The following QTRT2 variants were observed in gnomAD, a reference collection of about 807,000 sequenced individuals.
The protein encoded by QTRT2 is queuine tRNA-ribosyltransferase accessory subunit 2, also known as queuine tRNA-ribosyltransferase domain containing 1.
A neutral mutation model predicts 44.8 loss-of-function variants in QTRT2; 32 were observed. The ratio of observed to expected loss-of-function variants is 0.71; its 90% CI spans 0.54 to 0.96. QTRT2 has a LOEUF of 0.96. Ranked by LOEUF, QTRT2 falls within the 40% of genes least tolerant of loss-of-function variation. The pLI is 0.00. For synonymous variants in QTRT2, 182 were observed against 187.4 expected, an observed-to-expected ratio of 0.97 and a Z score of 0.24; for missense variants, 461 against 503.1, an observed-to-expected ratio of 0.92 and a Z score of 0.80.
At chr3:114,069,714 A>G (rs2076999937) in intron 5 of QTRT2, among the ~76,000 whole-genome samples, 1 of 152,212 alleles carries the variant, frequency 6.6e-6, no homozygotes, top group Non-Finnish European at 1.5e-5. Flanking sequence ...ATTTGCATGC[A>G]TGTGTCCTTA....
chr3:114,068,041 C>G lies in QTRT2; in HGVS notation c.311C>G (p.Pro104Arg), dbSNP rs772074588. ...CTGCACGATCCAGTCAGCCCCTGCC[C>G]GGCTGGTTATGTAACAAACAAGGTG... ...CSLHDPVSPC[P>R]AGYVTNKSVS... Residue 104 changes from proline (P) to arginine (R), a missense_variant, in exon 5 of 10, where the codon CCG becomes CGG. Physicochemically the swap from Pro to Arg is moderately radical, Grantham distance 103. Coordinates refer to ENST00000281273, the MANE Select transcript of QTRT2 (RefSeq NM_024638.4). 10 of 1,613,690 alleles carry G rather than the reference C, an allele frequency of 6.2e-6. No homozygotes were observed. Among genetic ancestry groups the G allele is most frequent in the Admixed American group, 3.3e-5 (2 of 59,990 alleles).
chr3:114,078,158 T>A (rs2077117705), intron 7 of QTRT2: 1 of 152,244 alleles, frequency 6.6e-6, no homozygotes, highest in South Asian at 2.1e-4. Context: ...TTTAACCTAG[T>A]TCTTTTGTGT....
At chr3:114,064,605 A>G (rs1205415553) in intron 2 of QTRT2, among the ~76,000 whole-genome samples, 1 of 152,188 alleles carries the variant, frequency 6.6e-6, no homozygotes, top group African/African-American at 2.4e-5. Flanking sequence ...AAGTAATGAC[A>G]CTTTGCTTAT....
At chr3:114,080,414 G>A (rs2077152331) in intron 8 of QTRT2, among the ~76,000 whole-genome samples, 1 of 152,122 alleles carries the variant, frequency 6.6e-6, no homozygotes, top group Non-Finnish European at 1.5e-5. Context: ...AAGAGTTTTT[G>A]TCTTTGCTTT....
At chr3:114,078,256 T>C (rs564083114) in intron 7 of QTRT2, 2 of 152,328 alleles carry the variant, frequency 1.3e-5, no homozygotes, top group Admixed American at 6.5e-5. Flanking sequence ...GACTTCTTCA[T>C]GTTAAGTGCT....
intron 6 of QTRT2, among the ~76,000 whole-genome samples, chr3:114,072,333 A>G (rs2077034935): frequency 6.6e-6 from 1 of 152,000 alleles, no homozygotes; most frequent in Admixed American, 6.6e-5. Context: ...TTGTATTTTT[A>G]GCTGAGACGA....
intron 6 of QTRT2, among the ~76,000 whole-genome samples, chr3:114,073,622 G>T (rs912688088): frequency 2.0e-5 from 3 of 151,894 alleles, no homozygotes; most frequent in African/African-American, 7.3e-5. Context: ...CTTTTCATTC[G>T]CCTGCCTCAG....
intron 6 of QTRT2, among the ~76,000 whole-genome samples, chr3:114,072,026 C>T (rs2077030798): frequency 6.6e-6 from 1 of 152,226 alleles, no homozygotes; most frequent in South Asian, 2.1e-4. Context: ...GAGGCATTAG[C>T]TTGTTTCATT....
rs755776974 is a variant in QTRT2, at chr3:114,065,404, G to T, written c.147G>T (p.Thr49=). ...CCGCCCCACACCTCACCCATCACAC[G>T]CTGCATAATATCCACGGGGTTCCTG... ...TGSAPHLTHH[T]LHNIHGVPAM... Residue 49 remains threonine, a synonymous_variant, in exon 3 of 10, where the codon ACG becomes ACT. Coordinates refer to ENST00000281273, the MANE Select transcript of QTRT2 (RefSeq NM_024638.4). 12 of 1,613,962 alleles carry T rather than the reference G, an allele frequency of 7.4e-6. No individual in the cohort carries two copies. The South Asian group carries it at 1.3e-4, about 18-fold the overall frequency.
chr3:114,071,679 C>A (rs915137215), intron 6 of QTRT2, among the ~76,000 whole-genome samples: 1 of 152,116 alleles, frequency 6.6e-6, no homozygotes, highest in Admixed American at 6.5e-5. Flanking sequence ...ATTCCATTTG[C>A]CTAAATATGT....
chr3:114,068,381 G>A, intron 5 of QTRT2: 1 of 281,188 alleles, frequency 3.6e-6, no homozygotes, highest in South Asian at 4.3e-5. Context: ...GCCATGCTTT[G>A]TTGGATTTTT....
At chr3:114,064,530 A>G (rs531667413) in intron 2 of QTRT2, among the ~76,000 whole-genome samples, 4 of 152,328 alleles carry the variant, frequency 2.6e-5, no homozygotes, top group Admixed American at 2.0e-4. Flanking sequence ...CTGTATATCT[A>G]TAGAAGTTAG....
Position 114,080,046 on chromosome 3 carries a change from C to T in QTRT2, c.887C>T (p.Pro296Leu). The change falls in exon 8 of 10, where the codon CCT becomes CTT. Residue 296 changes from proline (P) to leucine (L), a missense_variant. Transcript: ENST00000281273. The stretch of plus-strand genomic sequence containing the variant: ...TTCAGTTTTGATTACCAGCCGAATC[C>T]TGAAGAGACACGTAAGTCTTTTGAA... ...LTFSFDYQPN[P>L]EETLLQQNGT... The T allele has an allele frequency of 6.2e-7, 1 of 1,606,072 alleles. No individual in the cohort carries two copies. Among genetic ancestry groups the T allele is most frequent in the Non-Finnish European group, 8.5e-7 (1 of 1,176,598 alleles).
intron 5 of QTRT2, among the ~76,000 whole-genome samples, chr3:114,068,689 C>T (rs1431178274): frequency 1.3e-5 from 2 of 152,214 alleles, no homozygotes; most frequent in African/African-American, 4.8e-5. Flanking sequence ...TTGTGCCCCT[C>T]AGAACACTGT....
At chr3:114,060,476 G>A (rs1034781183) in intron 2 of QTRT2, among the ~76,000 whole-genome samples, 9 of 123,470 alleles carry the variant, frequency 7.3e-5, no homozygotes, top group South Asian at 2.7e-4. Context: ...AGATAGATAG[G>A]TAGGTAGGTA....
intron 2 of QTRT2, among the ~76,000 whole-genome samples, chr3:114,062,633 G>A (rs767369962): frequency 6.6e-6 from 1 of 152,116 alleles, no homozygotes; most frequent in Non-Finnish European, 1.5e-5. Flanking sequence ...AAGCAATGGG[G>A]TTTGTTGTTT....
intron 6 of QTRT2, 63 bp from the exon 7 acceptor site, chr3:114,076,680 G>C: frequency 1.3e-6 from 2 of 1,509,988 alleles, no homozygotes; most frequent in Admixed American, 3.4e-5. Flanking sequence ...TCCATGTAAG[G>C]TTCATTTAAA....
In QTRT2 at chr3:114,075,983, A is replaced by G. The variant is rs1032204992; in HGVS notation, c.547-760A>G. Among the ~76,000 whole-genome samples, 33 of 152,140 alleles carry G rather than the reference A, an allele frequency of 2.2e-4. 1 individual carries two copies. Among genetic ancestry groups the G allele is most frequent in the Non-Finnish European group, 1.5e-5 (1 of 68,032 alleles). Reference sequence around the variant, plus strand: ...GTTTTTAAAATGGATGGTGTGTAGTAGTGGTCTTTATTTTATTGGTTTGTG... The same window carrying G: ...GTTTTTAAAATGGATGGTGTGTAGTGGTGGTCTTTATTTTATTGGTTTGTG... On this transcript the variant is annotated intron_variant, in intron 6 of 9. Transcript: ENST00000281273.
chr3:114,065,262 A>C lies in QTRT2; in HGVS notation c.5A>C (p.Lys2Thr), dbSNP rs2076936562. Reference protein sequence around the residue: MKLSLTKVVNGC... With the variant: MTLSLTKVVNGC... Reference sequence around the variant, plus strand: ...GACCTAGAAGAATCCCTTAGGATGAAGCTGAGTCTTACCAAGGTAGTTAAT... The same window carrying C: ...GACCTAGAAGAATCCCTTAGGATGACGCTGAGTCTTACCAAGGTAGTTAAT... Residue 2 changes from lysine (K) to threonine (T), a missense_variant, in exon 3 of 10, where the codon AAG becomes ACG. Coordinates refer to ENST00000281273, the MANE Select transcript of QTRT2 (RefSeq NM_024638.4). 8 of 1,613,864 alleles carry C rather than the reference A, an allele frequency of 5.0e-6. No homozygotes were observed. In the East Asian group the frequency reaches 1.8e-4, roughly 36 times the overall value.
Sources: allele counts gnomAD v4.1 joint callset (sites outside exome capture counted in the v4.1 genomes callset), GRCh38; gene constraint gnomAD v4.1.1; transcripts MANE v1.5; gene names NCBI Gene and HGNC (gene_info 2026-07-23, HGNC 2026-07-21).